POR: variants seen among roughly 807,000 people sequenced by gnomAD.
The protein encoded by POR is cytochrome p450 oxidoreductase, also known as NADPH--cytochrome P450 reductase.
A neutral mutation model predicts 84.0 loss-of-function variants in POR; 56 were observed. That is an observed-to-expected ratio of 0.67 (90% CI 0.54 to 0.83). The LOEUF (loss-of-function observed/expected upper bound fraction) is 0.83. Ranked by LOEUF, POR falls within the 40% of genes least tolerant of loss-of-function variation. POR has a pLI of 0.00. For missense variants in POR, 938 were observed against 944.3 expected, an observed-to-expected ratio of 0.99 and a Z score of 0.09; for synonymous variants, 414 against 400.5, an observed-to-expected ratio of 1.03 and a Z score of -0.40.
intron 2 of POR, among the ~76,000 whole-genome samples, chr7:75,955,036 GA>G: frequency 6.6e-6 from 1 of 152,196 alleles, no homozygotes; most frequent in East Asian, 1.9e-4. Context: ...TAGAGACAGG[GA>G]TTTGCCATGT....
At chr7:75,965,547 G>A (rs1298757703) in intron 2 of POR, among the ~76,000 whole-genome samples, 1 of 151,948 alleles carries the variant, frequency 6.6e-6, no homozygotes, top group Non-Finnish European at 1.5e-5. Context: ...CAATAGCAGA[G>A]CCACTTTGTG....
At chr7:75,984,627 A>G in intron 10 of POR, 150 bp from the exon 11 acceptor site, 1 of 690,054 alleles carries the variant, frequency 1.4e-6, no homozygotes, top group Non-Finnish European at 2.5e-6. Flanking sequence ...AGGGCCAGGG[A>G]GGCATCAGAG....
intron 1 of POR, among the ~76,000 whole-genome samples, chr7:75,923,812 C>T (rs138193087): frequency 3.4e-4 from 51 of 151,254 alleles, no homozygotes; most frequent in African/African-American, 1.1e-3. Context: ...CGCTTGAACC[C>T]GGGAGGCGGA....
intron 2 of POR, among the ~76,000 whole-genome samples, chr7:75,958,097 C>G (rs1257788800): frequency 6.6e-6 from 1 of 152,130 alleles, no homozygotes; most frequent in African/African-American, 2.4e-5. Context: ...AGTAGGCTCT[C>G]AGGTGTTATG....
intron 1 of POR, among the ~76,000 whole-genome samples, chr7:75,931,169 C>T (rs1807398989): frequency 6.6e-6 from 1 of 152,044 alleles, no homozygotes; most frequent in African/African-American, 2.4e-5. Flanking sequence ...ATCCAAGTAT[C>T]CATCACCCAT....
At chr7:75,936,199 G>C (rs782371379) in intron 1 of POR, among the ~76,000 whole-genome samples, 12 of 149,806 alleles carry the variant, frequency 8.0e-5, no homozygotes, top group Admixed American at 4.0e-4. Flanking sequence ...TAACTCCCGG[G>C]CTTAAGTAAT....
In POR at chr7:75,985,294, C is replaced by T. The variant is rs1197596183; in HGVS notation, c.1398+87C>T. 19 of 1,426,594 alleles carry T rather than the reference C, an allele frequency of 1.3e-5. No individual in the cohort carries two copies. In the East Asian group the frequency reaches 2.0e-4, roughly 15 times the overall value. 88.4% of individuals were successfully genotyped at this position (1,426,594 alleles called of 1,614,324 possible). On this transcript the variant is annotated intron_variant, in intron 12 of 15. Coordinates refer to ENST00000461988, the MANE Select transcript of POR (RefSeq NM_000941.3). Reference sequence around the variant, plus strand: ...AGAGTGCAAGGCGGCACAGGAGCTCCGAGATCTGAGCCCTGAGCTCCAGTT... The same window carrying T: ...AGAGTGCAAGGCGGCACAGGAGCTCTGAGATCTGAGCCCTGAGCTCCAGTT...
chr7:75,925,993 A>G (rs1252091807), intron 1 of POR, among the ~76,000 whole-genome samples: 4 of 149,600 alleles, frequency 2.7e-5, no homozygotes, highest in African/African-American at 9.9e-5. Flanking sequence ...CCTCCCACGT[A>G]CAGTGTCCTG....
At chr7:75,978,891 G>C (rs1006611210) in intron 3 of POR, among the ~76,000 whole-genome samples, 13 of 151,924 alleles carry the variant, frequency 8.6e-5, no homozygotes, top group Admixed American at 1.3e-4. Flanking sequence ...CCACCTCCTG[G>C]GTTCAAGCTG....
intron 3 of POR, 25 bp from the exon 4 acceptor site, chr7:75,979,426 C>G (rs1788878489): frequency 4.3e-6 from 7 of 1,610,020 alleles, no homozygotes; most frequent in Non-Finnish European, 5.1e-6. Flanking sequence ...GTGGCCCTCA[C>G]CAACCCTGTG....
At chr7:75,973,099 A>G (rs573080344) in intron 3 of POR, among the ~76,000 whole-genome samples, 93 of 152,288 alleles carry the variant, frequency 6.1e-4, no homozygotes, top group African/African-American at 2.1e-3. Context: ...CTGGGATTAC[A>G]GGCGTGAACC....
At chr7:75,930,788 C>A (rs1329940653) in intron 1 of POR, among the ~76,000 whole-genome samples, 1 of 151,850 alleles carries the variant, frequency 6.6e-6, no homozygotes, top group Non-Finnish European at 1.5e-5. Context: ...TCCCAGAGTG[C>A]TGGGATTACA....
chr7:75,983,548 G>A lies in POR; in HGVS notation c.859G>A (p.Ala287Thr). 6.2e-7 allele frequency: 1 copy of A among 1,613,006 alleles called. No homozygotes were observed. Among genetic ancestry groups the A allele is most frequent in the Non-Finnish European group, 8.5e-7 (1 of 1,179,810 alleles). ...CTTTGATGCCAAGAATCCGTTCCTGGCTGCAGTCACCACCAACCGGAAGCT... is the reference window on the plus strand; with the variant it reads ...CTTTGATGCCAAGAATCCGTTCCTGACTGCAGTCACCACCAACCGGAAGCT... The change falls in exon 9 of 16, where the codon GCT becomes ACT. Residue 287 changes from alanine (A) to threonine (T), a missense_variant. Coordinates refer to ENST00000461988, the MANE Select transcript of POR (RefSeq NM_000941.3).
At chr7:75,983,054 A>C (rs1400871989) in intron 8 of POR, among the ~76,000 whole-genome samples, 1 of 152,166 alleles carries the variant, frequency 6.6e-6, no homozygotes, top group African/African-American at 2.4e-5. Flanking sequence ...AGAGAACTGC[A>C]TTAGGGCTGG....
chr7:75,949,565 T>C (rs1186065481), intron 1 of POR, among the ~76,000 whole-genome samples: 2 of 149,382 alleles, frequency 1.3e-5, no homozygotes, highest in Non-Finnish European at 3.0e-5. Flanking sequence ...CAGGCTGGAG[T>C]CTGGAGTGCA....
chr7:75,929,386 C>T (rs184193138), intron 1 of POR, among the ~76,000 whole-genome samples: 1 of 152,228 alleles, frequency 6.6e-6, no homozygotes, highest in Non-Finnish European at 1.5e-5. Context: ...GCCTCAGCCT[C>T]CTGAGTAGCT....
intron 1 of POR, chr7:75,921,108 C>T (rs1186826341): frequency 6.6e-6 from 1 of 152,298 alleles, no homozygotes; most frequent in Non-Finnish European, 1.5e-5. Context: ...AAGCTCCCAG[C>T]CCATCTACCC....
In POR at chr7:75,983,612, T is replaced by G. The variant is rs555871077; in HGVS notation, c.923T>G (p.Leu308Trp). Residue 308 changes from leucine to tryptophan, a missense_variant, in exon 9 of 16, where the codon TTG (leucine) becomes TGG (tryptophan). Transcript: ENST00000461988. ...GAGCGCCACCTCATGCACCTGGAAT[T>G]GGACATCTCGGACTCCAAAATCAGG... The G allele has an allele frequency of 2.5e-6, 4 of 1,612,938 alleles. No homozygotes were observed. In the Admixed American group the frequency reaches 6.7e-5, roughly 27 times the overall value.
chr7:75,916,012 AGCCTT>A (rs1237007770), intron 1 of POR, among the ~76,000 whole-genome samples: 18 of 152,276 alleles, frequency 1.2e-4, no homozygotes, highest in African/African-American at 4.1e-4. Flanking sequence ...TTAAAGCTGC[AGCCTT>A]GCCTTGCCTT....
Sources: allele counts gnomAD v4.1 joint callset (sites outside exome capture counted in the v4.1 genomes callset), GRCh38; gene constraint gnomAD v4.1.1; transcripts MANE v1.5; gene names NCBI Gene and HGNC (gene_info 2026-07-23, HGNC 2026-07-21).